The following TAF15 variants were observed in gnomAD, a reference collection of about 807,000 sequenced individuals.
TAF15 encodes TATA-binding protein-associated factor 2N.
Under a neutral mutation model 102.5 loss-of-function variants are expected in TAF15, and 37 were observed. The observed-to-expected ratio is 0.36, with a 90% CI of 0.28 to 0.47. The LOEUF (loss-of-function observed/expected upper bound fraction) is 0.47. Among genes scored for constraint, TAF15 ranks in the 20% least tolerant of loss-of-function variants. The pLI is 0.99. For synonymous variants in TAF15, 273 were observed against 259.2 expected, an observed-to-expected ratio of 1.05 and a Z score of -0.51; for missense variants, 652 against 760.7, an observed-to-expected ratio of 0.86 and a Z score of 1.68.
intron 11 of TAF15, among the ~76,000 whole-genome samples, chr17:35,841,766 T>C (rs1327535280): frequency 6.6e-6 from 1 of 150,746 alleles, no homozygotes; most frequent in Non-Finnish European, 1.5e-5. Context: ...GGCACGAAGA[T>C]AGCTCACTGC....
At chr17:35,844,249 A>G (rs1210553508) in intron 13 of TAF15, 31 bp from the exon 14 acceptor site, 6 of 1,612,588 alleles carry the variant, frequency 3.7e-6, no homozygotes, top group Non-Finnish European at 4.2e-6. Flanking sequence ...TAGAAACTAT[A>G]TAGGAGCATT....
Position 35,827,612 on chromosome 17 carries a change from A to G in TAF15, c.605+3414A>G, listed in dbSNP as rs908776270. ...TCCCAGCTACTCGGGAGGCTGAGAC[A>G]GGAGAATCAGTTGACCTGGGAGTTG... On this transcript the variant is annotated intron_variant, in intron 7 of 15. Transcript: ENST00000605844. Among the ~76,000 whole-genome samples, 20 of 152,070 alleles carry G rather than the reference A, an allele frequency of 1.3e-4. 1 individual carries two copies. The highest frequency in any genetic ancestry group is 4.8e-4 in the African/African-American group (20 of 41,398).
In TAF15 at chr17:35,844,304, T is replaced by C. The variant is rs1295654443; in HGVS notation, c.1113T>C (p.Ala371=). Reference sequence around the variant, plus strand: ...GGTCATGCGGAAATATGAACTTTGCTCGAAGGAATTCCTGCAATCAGTGCA... The same window carrying C: ...GGTCATGCGGAAATATGAACTTTGCCCGAAGGAATTCCTGCAATCAGTGCA... ...PNPSCGNMNF[A]RRNSCNQCNE... The change falls in exon 14 of 16, where the codon GCT becomes GCC. Residue 371 remains alanine, a synonymous_variant. Coordinates refer to ENST00000605844, the MANE Select transcript of TAF15 (RefSeq NM_139215.3). The C allele has an allele frequency of 7.4e-6, 12 of 1,614,202 alleles. No individual in the cohort carries two copies. The highest frequency in any genetic ancestry group is 9.3e-6 in the Non-Finnish European group (11 of 1,180,030).
intron 12 of TAF15, 126 bp from the exon 13 acceptor site, chr17:35,843,951 T>C (rs905196913): frequency 2.0e-5 from 17 of 870,978 alleles, no homozygotes; most frequent in Non-Finnish European, 3.4e-5. Context: ...AGTCCTGGTA[T>C]AAGGGGTTAA....
intron 12 of TAF15, 27 bp from the exon 13 acceptor site, chr17:35,844,050 T>C: frequency 6.2e-7 from 1 of 1,605,310 alleles, no homozygotes; most frequent in Admixed American, 1.7e-5. Context: ...TGCTGCTGAT[T>C]TTTCTCCCCT....
At chr17:35,809,825 G>C (rs1158845517) in intron 1 of TAF15, 1 of 602,470 alleles carries the variant, frequency 1.7e-6, no homozygotes, top group Non-Finnish European at 2.9e-6. Context: ...GGAACCCGAG[G>C]AGACTTGCCG....
chr17:35,846,432 T>C (rs1227356561), intron 15 of TAF15, among the ~76,000 whole-genome samples: 1 of 152,232 alleles, frequency 6.6e-6, no homozygotes, highest in Non-Finnish European at 1.5e-5. Flanking sequence ...TGGCCAATAC[T>C]GTAAAGTGTT....
intron 9 of TAF15, among the ~76,000 whole-genome samples, chr17:35,835,212 T>G (rs2087459818): frequency 6.6e-6 from 1 of 152,200 alleles, no homozygotes; most frequent in South Asian, 2.1e-4. Flanking sequence ...GCAAATCAGA[T>G]TAATGAAAGA....
Position 35,844,455 on chromosome 17 carries a change from T to G in TAF15, c.1178-22T>G, listed in dbSNP as rs2143832195. ...TTTACGTTGTTTCTGCTGGCCTCATTGTTTGCATTTCTACCTTGCAGATTT... is the reference window on the plus strand; with the variant it reads ...TTTACGTTGTTTCTGCTGGCCTCATGGTTTGCATTTCTACCTTGCAGATTT... On this transcript the variant is annotated intron_variant, in intron 14 of 15. Transcript: ENST00000605844. 1.9e-6 allele frequency: 3 copies of G among 1,613,492 alleles called. No individual in the cohort carries two copies. The East Asian group carries it at 6.7e-5, about 36-fold the overall frequency.
intron 7 of TAF15, among the ~76,000 whole-genome samples, chr17:35,827,541 C>T (rs1156469776): frequency 2.0e-5 from 3 of 151,902 alleles, no homozygotes; most frequent in Non-Finnish European, 4.4e-5. Flanking sequence ...CCCGTCTCTA[C>T]TAAAAATACA....
At chr17:35,826,714 C>T (rs191296575) in intron 7 of TAF15, among the ~76,000 whole-genome samples, 2 of 149,296 alleles carry the variant, frequency 1.3e-5, no homozygotes, top group African/African-American at 4.9e-5. Flanking sequence ...TGTGCCAGCA[C>T]ACCCGGCTAA....
intron 7 of TAF15, among the ~76,000 whole-genome samples, chr17:35,831,048 A>G (rs943057887): frequency 9.2e-5 from 14 of 152,100 alleles, no homozygotes; most frequent in African/African-American, 3.4e-4. Context: ...GGTATTTCCA[A>G]ATTTATGGCC....
chr17:35,843,310 A>T (rs2087570162), intron 12 of TAF15, among the ~76,000 whole-genome samples: 1 of 151,594 alleles, frequency 6.6e-6, no homozygotes, highest in Non-Finnish European at 1.5e-5. Flanking sequence ...TTTAGTAGAG[A>T]TGGGGTTTCT....
chr17:35,821,299 T>C (rs374146693), intron 5 of TAF15, among the ~76,000 whole-genome samples: 1 of 152,138 alleles, frequency 6.6e-6, no homozygotes, highest in Non-Finnish European at 1.5e-5. Flanking sequence ...GGGAATAATA[T>C]CCAGAAGGCA....
chr17:35,846,997 C>G lies in TAF15; in HGVS notation c.*52C>G, dbSNP rs188344184. ...CTGACATGATCCATAGTGAAATTGC[C>G]AGAGTTTTGCCTGCTGCTTTCCTCG... is the stretch of plus-strand genomic sequence containing the variant. On this transcript the variant is annotated 3_prime_UTR_variant, in exon 16 of 16. Transcript: ENST00000605844. 1.2e-6 allele frequency: 2 copies of G among 1,602,522 alleles called. No individual in the cohort carries two copies. Among genetic ancestry groups the G allele is most frequent in the Non-Finnish European group, 1.7e-6 (2 of 1,171,676 alleles).
rs2087448564 is a variant in TAF15 at position 35,834,658 on chromosome 17, G to A, written c.673+60G>A. On this transcript the variant is annotated intron_variant, in intron 9 of 15. Coordinates refer to ENST00000605844, the MANE Select transcript of TAF15 (RefSeq NM_139215.3). ...AGAAAATGTTAGTTTTTTTTTTGAT[G>A]GGAAAAGTGTGTGTTTGGAGGGGCT... The A allele has an allele frequency of 1.9e-5, 30 of 1,540,116 alleles. No individual in the cohort carries two copies. The South Asian group carries it at 3.4e-4, about 17-fold the overall frequency.
chr17:35,844,758 G>A lies in TAF15; in HGVS notation c.1459G>A (p.Gly487Arg), dbSNP rs989207345. 3 of 1,612,302 alleles carry A rather than the reference G, an allele frequency of 1.9e-6. No individual in the cohort carries two copies. In the African/African-American group the frequency reaches 4.0e-5, roughly 22 times the overall value. The change falls in exon 15 of 16, where the codon GGA (glycine) becomes AGA (arginine). Residue 487 changes from glycine to arginine, a missense_variant. This residue lies in a region of TAF15 where 368 missense variants were observed against 367.5 expected (regional missense o/e 1.00). Coordinates refer to ENST00000605844, the MANE Select transcript of TAF15 (RefSeq NM_139215.3). The stretch of plus-strand genomic sequence containing the variant: ...CTATGGAGGAGATCGAGGTGGCTAT[G>A]GAGGAGACCGAGGTGGAGGCTATGG... ...GGYGGDRGGY[G>R]GDRGGGYGGD...
chr17:35,818,072 C>A (rs529570663), intron 2 of TAF15, among the ~76,000 whole-genome samples: 26 of 152,136 alleles, frequency 1.7e-4, no homozygotes, highest in African/African-American at 6.3e-4. Flanking sequence ...CCACTACAGA[C>A]ATGTGCCACT....
chr17:35,842,770 T>TTGCTCAGGCTGGAGTGG (rs1196973934), intron 12 of TAF15, among the ~76,000 whole-genome samples: 1 of 152,210 alleles, frequency 6.6e-6, no homozygotes, highest in Non-Finnish European at 1.5e-5. Flanking sequence ...TCTCACTCTG[T>TTGCTCAGGCTGGAGTGG]TGCTCAGGCT....
Sources: allele counts gnomAD v4.1 joint callset (sites outside exome capture counted in the v4.1 genomes callset), GRCh38; gene constraint gnomAD v4.1.1; regional missense constraint gnomAD v4.1.1; transcripts MANE v1.5; gene names NCBI Gene and HGNC (gene_info 2026-07-23, HGNC 2026-07-21).